Variants in SLIT2 observed in about 807,000 individuals in gnomAD.
The protein encoded by SLIT2 is slit guidance ligand 2.
Under a neutral mutation model 185.7 loss-of-function variants are expected in SLIT2, and 41 were observed. The ratio of observed to expected loss-of-function variants is 0.22; its 90% CI spans 0.17 to 0.29. The LOEUF is 0.29. Among genes scored for constraint, SLIT2 ranks in the 10% least tolerant of loss-of-function variants. SLIT2 has a pLI of 1.00. For missense variants in SLIT2, 1,571 were observed against 1,909.0 expected (o/e 0.82, Z 3.30); for synonymous variants, 693 against 680.2 (o/e 1.02, Z -0.29).
intron 4 of SLIT2, among the ~76,000 whole-genome samples, chr4:20,406,040 C>T (rs951644459): frequency 7.0e-6 from 1 of 143,020 alleles, no homozygotes; most frequent in African/African-American, 2.4e-5. Flanking sequence ...TATGATACTA[C>T]AGTCTCTTTC....
At chr4:20,523,326 T>G (rs1176169879) in intron 12 of SLIT2, among the ~76,000 whole-genome samples, 1 of 152,156 alleles carries the variant, frequency 6.6e-6, no homozygotes, top group Non-Finnish European at 1.5e-5. Context: ...AGGGGTGACA[T>G]GATCTATTCC....
chr4:20,480,749 A>C lies in SLIT2; in HGVS notation c.501A>C (p.Glu167Asp), dbSNP rs757893454. ...QLDYNQISCI[E>D]DGAFRALRDL... ...ATTACAACCAGATCAGCTGTATTGAAGATGGGGCATTCAGGGCTCTCCGGG... is the reference window on the plus strand; with the variant it reads ...ATTACAACCAGATCAGCTGTATTGACGATGGGGCATTCAGGGCTCTCCGGG... The change falls in exon 6 of 37, where the codon GAA becomes GAC. Residue 167 changes from glutamate (E) to aspartate (D), a missense_variant. Coordinates refer to ENST00000504154, the MANE Select transcript of SLIT2 (RefSeq NM_004787.4). The C allele has an allele frequency of 6.2e-7, 1 of 1,613,630 alleles. No homozygotes were observed. The highest frequency in any genetic ancestry group is 1.3e-5 in the African/African-American group (1 of 75,028).
chr4:20,438,278 A>C (rs927708104), intron 4 of SLIT2, among the ~76,000 whole-genome samples: 2 of 152,294 alleles, frequency 1.3e-5, no homozygotes, highest in Admixed American at 1.3e-4. Flanking sequence ...CATATCCAAC[A>C]CTGGGCAATT....
At chr4:20,419,186 G>GT (rs1242363737) in intron 4 of SLIT2, among the ~76,000 whole-genome samples, 2 of 152,128 alleles carry the variant, frequency 1.3e-5, no homozygotes, top group African/African-American at 4.8e-5. Flanking sequence ...TACTTCTACA[G>GT]TATCTAGAAG....
chr4:20,533,755 G>T (rs1402974499), intron 18 of SLIT2, 40 bp downstream of exon 18: 2 of 1,573,566 alleles, frequency 1.3e-6, no homozygotes. Context: ...TCTACCAAAG[G>T]ATTGCAGCTC....
intron 4 of SLIT2, among the ~76,000 whole-genome samples, chr4:20,346,148 A>T (rs187439177): frequency 6.6e-6 from 1 of 152,074 alleles, no homozygotes; most frequent in Non-Finnish European, 1.5e-5. Flanking sequence ...ACGCACCACT[A>T]TGCCCTGCTA....
At chr4:20,534,897 G>T (rs1288884272) in intron 18 of SLIT2, among the ~76,000 whole-genome samples, 3 of 152,172 alleles carry the variant, frequency 2.0e-5, no homozygotes, top group African/African-American at 7.2e-5. Context: ...GGAATAGCCT[G>T]AAACCTGACC....
intron 4 of SLIT2, among the ~76,000 whole-genome samples, chr4:20,275,319 A>G (rs1441174972): frequency 6.6e-6 from 1 of 152,162 alleles, no homozygotes; most frequent in African/African-American, 2.4e-5. Flanking sequence ...AAGTCAGTAG[A>G]CAACCGTATT....
chr4:20,557,703 A>C (rs563405551), intron 26 of SLIT2, among the ~76,000 whole-genome samples: 7 of 152,078 alleles, frequency 4.6e-5, no homozygotes, highest in Non-Finnish European at 8.8e-5. Context: ...AATACATTTT[A>C]TAAGGCTACA....
At chr4:20,418,229 A>G (rs943673756) in intron 4 of SLIT2, among the ~76,000 whole-genome samples, 4 of 152,172 alleles carry the variant, frequency 2.6e-5, no homozygotes, top group African/African-American at 9.7e-5. Context: ...TGTTAGTTTT[A>G]ATTCTCTGAA....
intron 4 of SLIT2, among the ~76,000 whole-genome samples, chr4:20,372,694 G>A (rs1723690995): frequency 6.6e-6 from 1 of 151,970 alleles, no homozygotes; most frequent in Non-Finnish European, 1.5e-5. Context: ...GAAATAACCA[G>A]ATAAGAGAAA....
intron 4 of SLIT2, among the ~76,000 whole-genome samples, chr4:20,385,146 A>T (rs1724832405): frequency 6.6e-6 from 1 of 152,132 alleles, no homozygotes; most frequent in South Asian, 2.1e-4. Flanking sequence ...CTTGGATTAG[A>T]TCACCTTTGC....
intron 18 of SLIT2, among the ~76,000 whole-genome samples, chr4:20,538,636 T>A (rs555316273): frequency 3.3e-5 from 5 of 152,182 alleles, no homozygotes; most frequent in South Asian, 2.1e-4. Flanking sequence ...CATATACTCA[T>A]AACTATTTTC....
At chr4:20,340,201 G>C (rs1720850259) in intron 4 of SLIT2, among the ~76,000 whole-genome samples, 1 of 152,140 alleles carries the variant, frequency 6.6e-6, no homozygotes, top group Non-Finnish European at 1.5e-5. Context: ...TTGGAGAATG[G>C]GGTATCCATC....
intron 4 of SLIT2, among the ~76,000 whole-genome samples, chr4:20,395,360 T>A: frequency 6.6e-6 from 1 of 152,078 alleles, no homozygotes; most frequent in Admixed American, 6.6e-5. Context: ...TTTTGTCAGG[T>A]ACCTGCAGGG....
intron 4 of SLIT2, among the ~76,000 whole-genome samples, chr4:20,368,289 G>A (rs1027151536): frequency 2.1e-5 from 3 of 145,822 alleles, no homozygotes; most frequent in Admixed American, 2.1e-4. Flanking sequence ...TTCTAACACA[G>A]TCATCTAACA....
intron 4 of SLIT2, among the ~76,000 whole-genome samples, chr4:20,338,131 C>G (rs1232784427): frequency 6.6e-6 from 1 of 152,158 alleles, no homozygotes; most frequent in Admixed American, 6.5e-5. Context: ...GATTCATTTT[C>G]AGTCTCTCAT....
At chr4:20,494,216 G>A (rs17540494) in intron 9 of SLIT2, among the ~76,000 whole-genome samples, 3,638 of 152,306 alleles carry the variant, frequency 0.024, 113 homozygotes, top group African/African-American at 0.07. Context: ...AAGAGTAGGA[G>A]CTAGTCAGTG....
chr4:20,420,434 A>C (rs1728085017), intron 4 of SLIT2, among the ~76,000 whole-genome samples: 1 of 152,184 alleles, frequency 6.6e-6, no homozygotes, highest in African/African-American at 2.4e-5. Context: ...GTTACTATGC[A>C]GACACTAAGT....
Sources: allele counts gnomAD v4.1 joint callset (sites outside exome capture counted in the v4.1 genomes callset), GRCh38; gene constraint gnomAD v4.1.1; transcripts MANE v1.5; gene names NCBI Gene and HGNC (gene_info 2026-07-23, HGNC 2026-07-21).